The following PCM1 variants were observed in gnomAD, a reference collection of about 807,000 sequenced individuals.
PCM1 encodes pericentriolar material 1.
A neutral mutation model predicts 241.9 loss-of-function variants in PCM1; 157 were observed. That is an observed-to-expected ratio of 0.65 (90% CI 0.57 to 0.74). The LOEUF (loss-of-function observed/expected upper bound fraction) is 0.74. Ranked by LOEUF, PCM1 falls within the 30% of genes least tolerant of loss-of-function variation. The pLI, the probability that PCM1 is intolerant of heterozygous loss-of-function variation, is 0.00. For missense variants in PCM1, 3,478 were observed against 2,360.1 expected (o/e 1.47, Z -9.81); for synonymous variants, 1,085 against 784.9 (o/e 1.38, Z -6.39).
intron 1 of PCM1, 54 bp downstream of exon 1, chr8:17,923,242 G>C (rs1035764862): frequency 6.6e-6 from 1 of 152,520 alleles, no homozygotes; most frequent in Admixed American, 6.5e-5. Flanking sequence ...CGCCCCAGAG[G>C]CGGGAGAGTA....
At chr8:17,992,382 C>A (rs1442685513) in intron 28 of PCM1, among the ~76,000 whole-genome samples, 1 of 152,048 alleles carries the variant, frequency 6.6e-6, no homozygotes, top group Non-Finnish European at 1.5e-5. Flanking sequence ...AAAATTGTTC[C>A]CTTTTTACCA....
intron 36 of PCM1, among the ~76,000 whole-genome samples, chr8:18,018,899 C>T (rs377627704): frequency 0.54 from 61,399 of 113,022 alleles, 15,851 homozygotes; most frequent in Middle Eastern, 0.64. Flanking sequence ...TATACATACA[C>T]ATATATATAT....
At chr8:17,978,727 TAAA>T (rs1339834228) in intron 23 of PCM1, among the ~76,000 whole-genome samples, 2 of 151,538 alleles carry the variant, frequency 1.3e-5, no homozygotes, top group East Asian at 1.9e-4. Context: ...CAGGGGAAGA[TAAA>T]GAAGACAGAG....
Position 17,997,215 on chromosome 8 carries a change from T to A in PCM1, c.4827+3596T>A, listed in dbSNP as rs565850605. Among the ~76,000 whole-genome samples the A allele has an allele frequency of 8.6e-5, 13 of 151,892 alleles. No individual in the cohort carries two copies. In the South Asian group the frequency reaches 2.7e-3, roughly 32 times the overall value. The stretch of plus-strand genomic sequence containing the variant: ...CAGCACTTGAAACATGTCATGACAC[T>A]CTCTCCTGACCTGTAAGGATTCTAG... On this transcript the variant is annotated intron_variant, in intron 29 of 38. Transcript: ENST00000325083.
At chr8:17,960,254 G>A (rs1196859582) in intron 14 of PCM1, 61 bp from the exon 15 acceptor site, 4 of 1,567,220 alleles carry the variant, frequency 2.6e-6, no homozygotes, top group East Asian at 4.5e-5. Flanking sequence ...GTGTTATGTT[G>A]TGCCTAATGC....
rs770642984 is a variant in PCM1, at chr8:17,947,281, AAG to A, written c.882_883del (p.Arg294SerfsTer15). 2 of 1,611,264 alleles carry A rather than the reference AAG, an allele frequency of 1.2e-6. No homozygotes were observed. Among genetic ancestry groups the A allele is most frequent in the African/African-American group, 1.3e-5 (1 of 74,892 alleles). On this transcript the variant is annotated frameshift_variant, in exon 7 of 39. Coordinates refer to ENST00000325083, the MANE Select transcript of PCM1 (RefSeq NM_006197.4). LOFTEE classifies it high-confidence loss of function. The stretch of plus-strand genomic sequence containing the variant: ...GAATGTTACAACAGCAGGAGCAACT[AAG>A]AGCTCTACAGGGACGGCAGGCTGCA... The part of the protein sequence containing the change: ...KRMLQQQEQL[R>X]ALQGRQAALL...
chr8:17,947,244 A>G lies in PCM1; in HGVS notation c.842A>G (p.Asp281Gly), dbSNP rs533891678. The G allele has an allele frequency of 3.7e-6, 6 of 1,610,064 alleles. No individual in the cohort carries two copies. The South Asian group carries it at 6.6e-5, about 18-fold the overall frequency. The change falls in exon 7 of 39, where the codon GAT becomes GGT. Residue 281 changes from aspartate to glycine, a missense_variant. By Grantham distance (94) the Asp-to-Gly change is moderately conservative (BLOSUM62 -1). Transcript: ENST00000325083. ...EEIENLKKQHDLLKRMLQQQE... is the reference protein window; with the variant it reads ...EEIENLKKQHGLLKRMLQQQE... ...ATAGAAAATTTGAAGAAACAACATGATTTATTAAAAAGAATGTTACAACAG... is the reference window on the plus strand; with the variant it reads ...ATAGAAAATTTGAAGAAACAACATGGTTTATTAAAAAGAATGTTACAACAG...
At chr8:17,976,788 C>T (rs2078928917) in intron 23 of PCM1, among the ~76,000 whole-genome samples, 1 of 151,428 alleles carries the variant, frequency 6.6e-6, no homozygotes, top group Non-Finnish European at 1.5e-5. Flanking sequence ...ATCCTTATCT[C>T]TCATCAGTCA....
Position 17,955,626 on chromosome 8 carries a change from G to T in PCM1, c.1445G>T (p.Gly482Val), listed in dbSNP as rs748262766. 11 of 1,613,136 alleles carry T rather than the reference G, an allele frequency of 6.8e-6. No homozygotes were observed. Among genetic ancestry groups the T allele is most frequent in the South Asian group, 3.3e-5 (3 of 91,050 alleles). ...LVSQNESENEGHLNPSEKLQK... is the reference protein window; with the variant it reads ...LVSQNESENEVHLNPSEKLQK... ...TCTCAGAATGAGAGTGAAAACGAAG[G>T]CCACCTCAATCCATCTGAAAAACTC... The change falls in exon 10 of 39, where the codon GGC becomes GTC. Residue 482 changes from glycine (G) to valine (V), a missense_variant. By Grantham distance (109) the Gly-to-Val change is moderately radical. Coordinates refer to ENST00000325083, the MANE Select transcript of PCM1 (RefSeq NM_006197.4).
Position 18,010,653 on chromosome 8 carries a change from T to A in PCM1, c.5205T>A (p.Ile1735=). ...LEDHGSPAGE[I]DDEDKDKDET... ...ATCATGGCTCACCTGCTGGAGAGAT[T>A]GATGATGAAGACAAAGTATGTGCTA... Residue 1735 remains isoleucine (I), a synonymous_variant, in exon 32 of 39, where the codon ATT becomes ATA. Transcript: ENST00000325083. 2 of 1,601,648 alleles carry A rather than the reference T, an allele frequency of 1.2e-6. No homozygotes were observed. The highest frequency in any genetic ancestry group is 1.7e-6 in the Non-Finnish European group (2 of 1,174,204).
chr8:17,975,543 A>G (rs1186500214), intron 23 of PCM1, among the ~76,000 whole-genome samples: 5 of 152,122 alleles, frequency 3.3e-5, no homozygotes, highest in Admixed American at 6.6e-5. Flanking sequence ...TTGTTACTAC[A>G]GTAAGAAAAG....
rs1228296955 is a variant in PCM1, at chr8:18,014,705, CCCTT to C, written c.5707_5710del (p.Pro1903CysfsTer11). On this transcript the variant is annotated frameshift_variant, in exon 36 of 39. Transcript: ENST00000325083. LOFTEE classifies it high-confidence loss of function. ...CTGTTGATTCAACTCAACAGCCTAA[CCCTT>C]TGCCGTTACGTTTACCTGAAATGGA... The C allele has an allele frequency of 6.2e-7, 1 of 1,613,694 alleles. No homozygotes were observed. Among genetic ancestry groups the C allele is most frequent in the African/African-American group, 1.3e-5 (1 of 74,910 alleles).
chr8:17,932,556 C>T (rs963722313), intron 2 of PCM1, among the ~76,000 whole-genome samples: 1 of 151,204 alleles, frequency 6.6e-6, no homozygotes, highest in Admixed American at 6.6e-5. Flanking sequence ...GCTTATATTT[C>T]TCCGGTTTTA....
At chr8:18,005,278 A>G (rs1478987066) in intron 29 of PCM1, among the ~76,000 whole-genome samples, 1 of 151,892 alleles carries the variant, frequency 6.6e-6, no homozygotes, top group Non-Finnish European at 1.5e-5. Flanking sequence ...CGGAGCTTAT[A>G]GTGATTATTT....
chr8:17,978,440 C>G (rs1346416270), intron 23 of PCM1, among the ~76,000 whole-genome samples: 2 of 151,918 alleles, frequency 1.3e-5, no homozygotes, highest in Non-Finnish European at 2.9e-5. Context: ...TCCCTGAATT[C>G]CAAGGAAAAA....
intron 35 of PCM1, 146 bp downstream of exon 35, chr8:18,014,182 A>G (rs1406154077): frequency 3.4e-6 from 2 of 588,314 alleles, no homozygotes; most frequent in Non-Finnish European, 6.0e-6. Flanking sequence ...TCTTCTCCCT[A>G]TAAATCCTTT....
intron 10 of PCM1, 53 bp downstream of exon 10, chr8:17,955,706 C>A (rs1168982524): frequency 4.5e-6 from 6 of 1,322,504 alleles, no homozygotes; most frequent in Non-Finnish European, 6.5e-6. Context: ...GGGATAAATT[C>A]TGTTTTTTTT....
chr8:17,988,045 C>T (rs993187510), intron 26 of PCM1, among the ~76,000 whole-genome samples: 19 of 151,558 alleles, frequency 1.3e-4, no homozygotes, highest in Admixed American at 1.1e-3. Context: ...GAAAGTGAAA[C>T]TGGGAATCTG....
At chr8:18,013,823 C>G in intron 34 of PCM1, 141 bp from the exon 35 acceptor site, 1 of 603,534 alleles carries the variant, frequency 1.7e-6, no homozygotes, top group Admixed American at 3.7e-5. Context: ...AAAGCCGCCT[C>G]CTTGAAATAG....
Sources: allele counts gnomAD v4.1 joint callset (sites outside exome capture counted in the v4.1 genomes callset), GRCh38; gene constraint gnomAD v4.1.1; transcripts MANE v1.5; gene names NCBI Gene and HGNC (gene_info 2026-07-23, HGNC 2026-07-21).